The following SLC24A2 variants were observed in gnomAD, a reference collection of about 807,000 sequenced individuals.
The protein encoded by SLC24A2 is sodium/potassium/calcium exchanger 2.
In SLC24A2, 36 loss-of-function variants were observed where a neutral mutation model predicts 62.0. That is an observed-to-expected ratio of 0.58 (90% CI 0.44 to 0.77). SLC24A2 has a LOEUF of 0.77. SLC24A2 is among the 30% of genes least tolerant of loss of function. The pLI, the probability that SLC24A2 is intolerant of heterozygous loss-of-function variation, is 0.00. For missense variants in SLC24A2, 846 were observed against 817.9 expected, an observed-to-expected ratio of 1.03 and a Z score of -0.42; for synonymous variants, 358 against 294.0, an observed-to-expected ratio of 1.22 and a Z score of -2.23.
chr9:19,845,396 C>T, the SLC24A2 span, among the ~76,000 whole-genome samples: 1 of 152,130 alleles, frequency 6.6e-6, no homozygotes, highest in African/African-American at 2.4e-5. Context: ...AGTTATTTAT[C>T]AGTTCCAGGA....
the SLC24A2 span, among the ~76,000 whole-genome samples, chr9:19,833,260 A>G: frequency 6.6e-6 from 1 of 152,154 alleles, no homozygotes; most frequent in Non-Finnish European, 1.5e-5. Context: ...ACTGTGTGTG[A>G]GCCAAAGCAG....
At chr9:19,954,790 G>A in the SLC24A2 span, among the ~76,000 whole-genome samples, 1 of 152,052 alleles carries the variant, frequency 6.6e-6, no homozygotes, top group East Asian at 1.9e-4. Context: ...CAGTGTTGTT[G>A]CCTCTTTACT....
At chr9:19,679,875 T>C (rs2118382127) in intron 2 of SLC24A2, among the ~76,000 whole-genome samples, 1 of 151,216 alleles carries the variant, frequency 6.6e-6, no homozygotes, top group East Asian at 2.0e-4. Flanking sequence ...TGTGTGTGTG[T>C]GTGTGTGTCT....
At chr9:20,258,817 T>TC in the SLC24A2 span, among the ~76,000 whole-genome samples, 7 of 104,802 alleles carry the variant, frequency 6.7e-5, no homozygotes, top group East Asian at 5.5e-3. Flanking sequence ...TCTATCTACC[T>TC]TATCTATCTA....
At chr9:20,205,227 A>G in the SLC24A2 span, among the ~76,000 whole-genome samples, 5 of 152,174 alleles carry the variant, frequency 3.3e-5, no homozygotes, top group Admixed American at 6.5e-5. Context: ...ATTTCTCCCT[A>G]TTGAAGCATG....
At chr9:20,229,298 C>G in the SLC24A2 span, among the ~76,000 whole-genome samples, 3 of 152,098 alleles carry the variant, frequency 2.0e-5, no homozygotes, top group Non-Finnish European at 2.9e-5. Flanking sequence ...GTGCTTTGAC[C>G]TGTTGTGCTC....
chr9:19,705,577 C>T (rs1768300839), intron 2 of SLC24A2: 1 of 229,734 alleles, frequency 4.4e-6, no homozygotes, highest in Admixed American at 4.1e-5. Flanking sequence ...CCCCCCAAAA[C>T]TAGCCAGGAC....
intron 2 of SLC24A2, among the ~76,000 whole-genome samples, chr9:19,643,248 T>C (rs1196930186): frequency 6.6e-6 from 1 of 152,178 alleles, no homozygotes; most frequent in Non-Finnish European, 1.5e-5. Flanking sequence ...ATCTATAGTA[T>C]AAAACTATTA....
chr9:19,735,582 C>G (rs145789160), intron 2 of SLC24A2, among the ~76,000 whole-genome samples: 2 of 152,124 alleles, frequency 1.3e-5, no homozygotes, highest in Non-Finnish European at 2.9e-5. Flanking sequence ...GCACTATTCA[C>G]GACAGCAAAG....
intron 2 of SLC24A2, among the ~76,000 whole-genome samples, chr9:19,737,507 A>G (rs1821544216): frequency 6.6e-6 from 1 of 152,156 alleles, no homozygotes; most frequent in South Asian, 2.1e-4. Context: ...ATTTTAGCAA[A>G]TTTATCTCGT....
At chr9:19,520,086 TG>T (rs1321912097) in intron 10 of SLC24A2, among the ~76,000 whole-genome samples, 4 of 152,138 alleles carry the variant, frequency 2.6e-5, no homozygotes, top group Non-Finnish European at 5.9e-5. Context: ...AATATGGTCA[TG>T]GAAAGGTGGA....
intron 2 of SLC24A2, among the ~76,000 whole-genome samples, chr9:19,641,326 A>G (rs1468946045): frequency 6.6e-6 from 1 of 152,194 alleles, no homozygotes; most frequent in Non-Finnish European, 1.5e-5. Context: ...GTCTCCTCCA[A>G]ACATGCATAT....
chr9:19,788,452 GC>G (rs1314952233), intron 1 of SLC24A2: 2 of 953,018 alleles, frequency 2.1e-6, no homozygotes, highest in Non-Finnish European at 1.2e-6. Flanking sequence ...CCCCAGCCGC[GC>G]CCCAACTTTG....
chr9:20,276,609 T>C, the SLC24A2 span, among the ~76,000 whole-genome samples: 2 of 152,192 alleles, frequency 1.3e-5, no homozygotes, highest in African/African-American at 4.8e-5. Flanking sequence ...GGGAGTGCCC[T>C]AGTGGGGATT....
In SLC24A2 at chr9:19,513,372, TACAG is replaced by T. The variant is rs1832804076; in HGVS notation, c.*2777_*2780del. 6.6e-6 allele frequency: 1 copy of T among 151,972 alleles called. No homozygotes were observed. The highest frequency in any genetic ancestry group is 2.1e-4 in the South Asian group (1 of 4,814). The allele number at this position is 151,972 out of a possible 1,614,324, so 9.4% of individuals were successfully genotyped here. ...TACCCTGGCTCAACACATAACCACT[TACAG>T]ACACAGAAATGAAGGGAAAGCAAGG... On this transcript the variant is annotated 3_prime_UTR_variant, in exon 11 of 11. Transcript: ENST00000341998.
the SLC24A2 span, among the ~76,000 whole-genome samples, chr9:20,198,724 C>T: frequency 1.1e-4 from 16 of 152,016 alleles, no homozygotes; most frequent in South Asian, 2.1e-4. Flanking sequence ...CCATCCACCC[C>T]GAGGTGCCAA....
chr9:20,021,161 AAAT>A, the SLC24A2 span, among the ~76,000 whole-genome samples: 1 of 152,190 alleles, frequency 6.6e-6, no homozygotes, highest in African/African-American at 2.4e-5. Flanking sequence ...GTTTTTGTAC[AAAT>A]AATAGAATAA....
At chr9:19,924,305 G>A in the SLC24A2 span, among the ~76,000 whole-genome samples, 20 of 152,314 alleles carry the variant, frequency 1.3e-4, no homozygotes, top group Admixed American at 9.2e-4. Flanking sequence ...AATTTCAGAT[G>A]TGTCATCCCC....
At chr9:20,298,271 C>G in the SLC24A2 span, among the ~76,000 whole-genome samples, 2 of 152,212 alleles carry the variant, frequency 1.3e-5, no homozygotes, top group African/African-American at 4.8e-5. Flanking sequence ...CTCTTGCCAC[C>G]CAGGCTGGAG....
Sources: allele counts gnomAD v4.1 joint callset (sites outside exome capture counted in the v4.1 genomes callset), GRCh38; gene constraint gnomAD v4.1.1; transcripts MANE v1.5; gene names NCBI Gene and HGNC (gene_info 2026-07-23, HGNC 2026-07-21).